POM121C: variants seen among roughly 807,000 people sequenced by gnomAD.
POM121C encodes the protein POM121 transmembrane nucleoporin C.
POM121C carries 20 observed loss-of-function variants against 66.4 expected under a neutral mutation model. The observed-to-expected ratio is 0.30, with a 90% confidence interval of 0.21 to 0.44. The LOEUF is 0.44. Among genes scored for constraint, POM121C ranks in the 20% least tolerant of loss-of-function variants. POM121C has a pLI of 1.00. For missense variants in POM121C, 580 were observed against 1,225.7 expected (o/e 0.47, Z 7.87); for synonymous variants, 286 against 528.0 (o/e 0.54, Z 6.28).
intron 3 of POM121C, among the ~76,000 whole-genome samples, chr7:75,472,650 T>C (rs1373045143): frequency 1.3e-5 from 2 of 151,728 alleles, no homozygotes; most frequent in South Asian, 4.2e-4. Flanking sequence ...ACTAAAAATA[T>C]AAAAATTAGC....
intron 5 of POM121C, 45 bp downstream of exon 5, chr7:75,440,909 G>C: frequency 6.2e-7 from 1 of 1,613,710 alleles, no homozygotes; most frequent in Admixed American, 1.7e-5. Context: ...CATCCCATAG[G>C]GGTCCAAGCG....
chr7:75,477,945 G>T (rs1554479619), intron 1 of POM121C, among the ~76,000 whole-genome samples: 1 of 152,060 alleles, frequency 6.6e-6, no homozygotes, highest in East Asian at 1.9e-4. Flanking sequence ...CGAAAGCAAT[G>T]ATTTGTTTTT....
chr7:75,466,765 A>G (rs782130553), intron 3 of POM121C, among the ~76,000 whole-genome samples: 53 of 152,104 alleles, frequency 3.5e-4, no homozygotes, highest in Non-Finnish European at 6.5e-4. Context: ...AAAAAAAGCA[A>G]AGAGAGAGGA....
chr7:75,443,267 TTAG>T (rs1435535233), intron 3 of POM121C, among the ~76,000 whole-genome samples: 1 of 152,036 alleles, frequency 6.6e-6, no homozygotes, highest in Non-Finnish European at 1.5e-5. Flanking sequence ...AGAAAGTAGA[TTAG>T]TGGTTGCCTA....
At chr7:75,436,875 T>C (rs1251948646) in intron 7 of POM121C, among the ~76,000 whole-genome samples, 2 of 151,988 alleles carry the variant, frequency 1.3e-5, no homozygotes, top group African/African-American at 4.8e-5. Flanking sequence ...CCCACCTTGA[T>C]CTCCCAAAGT....
chr7:75,478,626 C>T (rs1554479715), intron 1 of POM121C, among the ~76,000 whole-genome samples: 2 of 151,524 alleles, frequency 1.3e-5, no homozygotes, highest in Non-Finnish European at 2.9e-5. Context: ...AGTACAATAT[C>T]TGAGATGAAA....
At chr7:75,454,424 C>A (rs761625284) in intron 3 of POM121C, among the ~76,000 whole-genome samples, 30 of 152,216 alleles carry the variant, frequency 2.0e-4, no homozygotes, top group Non-Finnish European at 3.5e-4. Context: ...AGTATGATGA[C>A]AATACAGAGG....
chr7:75,478,569 C>T (rs1250942878), intron 1 of POM121C, among the ~76,000 whole-genome samples: 1 of 151,230 alleles, frequency 6.6e-6, no homozygotes, highest in African/African-American at 2.4e-5. Context: ...TCAAAAAAAT[C>T]AAGACAGGCA....
chr7:75,465,677 T>C (rs144532865), intron 3 of POM121C, among the ~76,000 whole-genome samples: 10,786 of 146,976 alleles, frequency 0.073, 492 homozygotes, highest in Non-Finnish European at 0.11. Flanking sequence ...CGCTTGTACC[T>C]GGGAGGTGGA....
intron 1 of POM121C, among the ~76,000 whole-genome samples, chr7:75,485,386 A>G (rs1330128773): frequency 6.6e-6 from 1 of 152,050 alleles, no homozygotes; most frequent in African/African-American, 2.4e-5. Context: ...TCTACCCACA[A>G]AGCCGGTGAC....
At chr7:75,430,935 G>T (rs1236504861) in intron 7 of POM121C, among the ~76,000 whole-genome samples, 1 of 151,876 alleles carries the variant, frequency 6.6e-6, no homozygotes, top group African/African-American at 2.4e-5. Flanking sequence ...AATTAGCTGG[G>T]TGTGGTGGCA....
At chr7:75,482,676 C>T (rs1343821445) in intron 1 of POM121C, among the ~76,000 whole-genome samples, 1 of 151,930 alleles carries the variant, frequency 6.6e-6, no homozygotes, top group African/African-American at 2.4e-5. Context: ...GGTGACAGAG[C>T]AAGACCCTAT....
chr7:75,430,056 TAAACAAGGTC>T (rs1790105412), intron 7 of POM121C, among the ~76,000 whole-genome samples: 1 of 152,130 alleles, frequency 6.6e-6, no homozygotes, highest in South Asian at 2.1e-4. Flanking sequence ...AGATTAGAAG[TAAACAAGGTC>T]AATATTATAA....
chr7:75,448,694 G>T (rs1179260322), intron 3 of POM121C, among the ~76,000 whole-genome samples: 1 of 142,384 alleles, frequency 7.0e-6, no homozygotes, highest in Admixed American at 7.0e-5. Flanking sequence ...CCAGCTACTC[G>T]GGAGGGTGAG....
intron 6 of POM121C, 144 bp from the exon 7 acceptor site, chr7:75,437,830 T>C (rs1790474022): frequency 2.9e-6 from 4 of 1,356,276 alleles, no homozygotes; most frequent in Admixed American, 3.0e-5. Context: ...TGGCCAAATC[T>C]ATCTGACAAA....
intron 3 of POM121C, among the ~76,000 whole-genome samples, chr7:75,465,068 C>T (rs1254845317): frequency 1.3e-5 from 2 of 149,698 alleles, no homozygotes; most frequent in Non-Finnish European, 3.0e-5. Flanking sequence ...GATCTCAGCT[C>T]ATTGAAACCT....
chr7:75,466,135 A>C (rs1488285690), intron 3 of POM121C, among the ~76,000 whole-genome samples: 25 of 151,118 alleles, frequency 1.7e-4, no homozygotes, highest in African/African-American at 5.4e-4. Context: ...TAAAAAAAAA[A>C]CGTCAAATCC....
rs1554470157 is a variant in POM121C at position 75,418,795 on chromosome 7, G to C, written c.*1C>G. The C allele has an allele frequency of 6.2e-6, 10 of 1,607,828 alleles. No individual in the cohort carries two copies. The highest frequency in any genetic ancestry group is 8.5e-6 in the Non-Finnish European group (10 of 1,178,250). The stretch of plus-strand genomic sequence containing the variant: ...GGGGGAACAGGGACAGGGGACAAAG[G>C]CTACTTTTTGCGGGTGTGCTGCCTT... On this transcript the variant is annotated 3_prime_UTR_variant, in exon 15 of 15. Coordinates refer to ENST00000615331, the MANE Select transcript of POM121C (RefSeq NM_001099415.3).
intron 7 of POM121C, among the ~76,000 whole-genome samples, chr7:75,432,036 T>C (rs1411016100): frequency 6.6e-6 from 1 of 151,818 alleles, no homozygotes. Context: ...AAAAATTTGT[T>C]GGGCACAGTG....
Sources: gnomAD v4.1 joint callset for allele counts (sites outside exome capture counted in the v4.1 genomes callset) on GRCh38, gnomAD v4.1.1 for gene constraint, MANE v1.5 for transcripts, NCBI Gene and HGNC (gene_info 2026-07-23, HGNC 2026-07-21) for gene names.